Variants in ANKRD26 observed in about 807,000 individuals in gnomAD.
ANKRD26 encodes the protein ankyrin repeat domain 26.
Under a neutral mutation model 208.7 loss-of-function variants are expected in ANKRD26, and 141 were observed. The ratio of observed to expected loss-of-function variants is 0.68; its 90% CI spans 0.59 to 0.78. ANKRD26 has a LOEUF of 0.78. Among genes scored for constraint, ANKRD26 ranks in the 30% least tolerant of loss-of-function variants. The probability of loss-of-function intolerance (pLI) is 0.00; values close to 1 mark genes in which losing one functional copy is unlikely to be tolerated. For missense variants in ANKRD26, 1,889 were observed against 1,938.7 expected (o/e 0.97, Z 0.48); for synonymous variants, 636 against 660.4 (o/e 0.96, Z 0.57).
At chr10:26,996,942 T>C (rs141884796) in intron 4 of ANKRD26, among the ~76,000 whole-genome samples, 1 of 152,334 alleles carries the variant, frequency 6.6e-6, no homozygotes, top group Non-Finnish European at 1.5e-5. Flanking sequence ...TATTTTAACA[T>C]TACTAGTACT....
chr10:27,062,167 T>C (rs2055080646), intron 12 of ANKRD26: 2 of 984,644 alleles, frequency 2.0e-6, no homozygotes, highest in African/African-American at 3.5e-5. Flanking sequence ...TCTATATTCT[T>C]TTTATGGAAC....
At chr10:26,971,687 A>G (rs2052144807), downstream of ANKRD26, among the ~76,000 whole-genome samples, 1 of 151,612 alleles carries the variant, frequency 6.6e-6, no homozygotes, top group Non-Finnish European at 1.5e-5. Context: ...AAAAAAAAAA[A>G]AAAAAAGAAA....
chr10:27,051,062 T>G (rs1441745602), intron 16 of ANKRD26: 5 of 1,241,706 alleles, frequency 4.0e-6, no homozygotes, highest in Admixed American at 5.8e-5. Flanking sequence ...CCTCTACCTC[T>G]TTTTGAAGTT....
intron 5 of ANKRD26, 40 bp from the exon 6 acceptor site, chr10:27,082,873 TA>T (rs2055977542): frequency 6.4e-7 from 1 of 1,556,492 alleles, no homozygotes; most frequent in African/African-American, 1.4e-5. Flanking sequence ...AAATCAACAA[TA>T]GAAAAATATA....
rs372266548 is a variant in ANKRD26, at chr10:27,100,140, G to C, written c.187C>G (p.Gln63Glu). 43 of 1,614,134 alleles carry C rather than the reference G, an allele frequency of 2.7e-5. No individual in the cohort carries two copies. The African/African-American group carries it at 5.6e-4, about 21-fold the overall frequency. Reference protein sequence around the residue: ...AASAGNVAKVQQILLLRKNGL... With the variant: ...AASAGNVAKVEQILLLRKNGL... ...TTCTTCCTGAGCAAAAGGATCTGCT[G>C]CACTTTCGCCACATTACCCGCGCTG... The change falls in exon 1 of 34, where the codon CAG becomes GAG. Residue 63 changes from glutamine to glutamate, a missense_variant. Gln to Glu is a conservative substitution (Grantham distance 29). Coordinates refer to ENST00000376087, the MANE Select transcript of ANKRD26 (RefSeq NM_014915.3).
intron 3 of ANKRD26, among the ~76,000 whole-genome samples, chr10:26,983,053 C>T (rs545787965): frequency 6.6e-6 from 1 of 152,220 alleles, no homozygotes; most frequent in Admixed American, 6.5e-5. Flanking sequence ...AAGGTTCCAC[C>T]TTGGGCTGCA....
intron 28 of ANKRD26, among the ~76,000 whole-genome samples, chr10:27,023,155 C>T (rs772870781): frequency 1.4e-4 from 21 of 151,910 alleles, no homozygotes; most frequent in African/African-American, 5.1e-4. Flanking sequence ...ATGGTGAAAC[C>T]CTGTCTCTAC....
Position 27,029,353 on chromosome 10 carries a change from G to A in ANKRD26, c.3811C>T (p.Gln1271Ter). The change falls in exon 26 of 34, where the codon CAA becomes TAA. Residue 1271 changes from glutamine (Q) to a stop codon, truncating the protein, a stop_gained. Coordinates refer to ENST00000376087, the MANE Select transcript of ANKRD26 (RefSeq NM_014915.3). LOFTEE classifies it high-confidence loss of function. ...KKLGQIRNQLQEAQDRHTEAV... is the reference protein window; with the variant it reads ...KKLGQIRNQL ...TCTGTATGTCGATCCTGTGCTTCTT[G>A]CAACTAAAACAAAGAATAAAAAAAA... 1.2e-6 allele frequency: 2 copies of A among 1,611,138 alleles called. No individual in the cohort carries two copies. The highest frequency in any genetic ancestry group is 1.3e-5 in the African/African-American group (1 of 74,956).
chr10:26,983,956 T>C (rs1442746315), intron 3 of ANKRD26, among the ~76,000 whole-genome samples: 14 of 152,104 alleles, frequency 9.2e-5, no homozygotes. Flanking sequence ...GAAATAGGCA[T>C]GGTTGGCATA....
chr10:26,956,515 G>A, the ANKRD26 span, among the ~76,000 whole-genome samples: 50,280 of 151,764 alleles, frequency 0.33, 10,592 homozygotes, highest in Non-Finnish European at 0.47. Flanking sequence ...TTCTGTAATC[G>A]TAGCACTTTG....
At chr10:27,020,936 C>T (rs537998322) in intron 29 of ANKRD26, among the ~76,000 whole-genome samples, 1 of 152,126 alleles carries the variant, frequency 6.6e-6, no homozygotes, top group Non-Finnish European at 1.5e-5. Flanking sequence ...GCTGGAATTA[C>T]AGGCATGAGC....
rs763720089 is a variant in ANKRD26 at position 27,037,316 on chromosome 10, T to C, written c.2567A>G (p.Gln856Arg). ...TTGCCTCTGAGCGTCATTTCGCTCT[T>C]GAACGACCTAGAGATACATTAAGTT... ...TVKSNLNQVV[Q>R]ERNDAQRQLS... The change falls in exon 23 of 34, where the codon CAA becomes CGA. Residue 856 changes from glutamine to arginine, a missense_variant. Physicochemically the swap from Gln to Arg is conservative, Grantham distance 43 (BLOSUM62 1). Around this residue, in one of 3 missense-constraint regions of ANKRD26, gnomAD observed 1,272 missense variants for 1,273.8 expected, o/e 1.00. Transcript: ENST00000376087. 5.6e-6 allele frequency: 9 copies of C among 1,613,744 alleles called. No individual in the cohort carries two copies. Among genetic ancestry groups the C allele is most frequent in the Admixed American group, 3.3e-5 (2 of 60,008 alleles).
intron 30 of ANKRD26, 40 bp from the exon 31 acceptor site, chr10:27,014,751 C>T: frequency 6.5e-7 from 1 of 1,540,446 alleles, no homozygotes; most frequent in Non-Finnish European, 8.9e-7. Context: ...AAATATATAA[C>T]CTGAGTAAGA....
intron 4 of ANKRD26, among the ~76,000 whole-genome samples, chr10:27,090,261 C>T (rs1319023613): frequency 6.6e-6 from 1 of 151,950 alleles, no homozygotes; most frequent in Non-Finnish European, 1.5e-5. Flanking sequence ...GCCTGGCCAA[C>T]ACAGTGAAAC....
intron 5 of ANKRD26, among the ~76,000 whole-genome samples, chr10:26,976,469 C>T (rs1293818573): frequency 6.6e-6 from 1 of 152,138 alleles, no homozygotes; most frequent in African/African-American, 2.4e-5. Flanking sequence ...CCCGCCTCAG[C>T]CTCCCAAAGT....
At chr10:26,948,652 T>C in the ANKRD26 span, among the ~76,000 whole-genome samples, 1 of 152,134 alleles carries the variant, frequency 6.6e-6, no homozygotes, top group East Asian at 1.9e-4. Context: ...AAGGTGTTTT[T>C]GATAAACCAC....
At chr10:27,043,072 ATAAT>A (rs2054315801) in intron 20 of ANKRD26, among the ~76,000 whole-genome samples, 1 of 151,946 alleles carries the variant, frequency 6.6e-6, no homozygotes, top group Admixed American at 6.6e-5. Context: ...AGCAAAATCC[ATAAT>A]TAAACAGATA....
chr10:27,083,910 T>C (rs1413929955), intron 5 of ANKRD26, among the ~76,000 whole-genome samples: 3 of 152,156 alleles, frequency 2.0e-5, no homozygotes, highest in Non-Finnish European at 4.4e-5. Context: ...TGCATAGCTA[T>C]GACCTAAGTT....
In ANKRD26 at chr10:27,017,612, C is replaced by G. The variant is rs2053341478; in HGVS notation, c.4396G>C (p.Glu1466Gln). ...TGACCAAGTTCTACCATATTCCTTT[C>G]TATATGACTTCTCAGGTTGATCACT... Reference protein sequence around the residue: ...QEVINLRSHIERNMVELGQVK... With the variant: ...QEVINLRSHIQRNMVELGQVK... The change falls in exon 30 of 34, where the codon GAA (glutamate) becomes CAA (glutamine). Residue 1466 changes from glutamate to glutamine, a missense_variant. Physicochemically the swap from Glu to Gln is conservative, Grantham distance 29. This residue lies in a region of ANKRD26 where 613 missense variants were observed against 648.2 expected (regional missense o/e 0.95). Coordinates refer to ENST00000376087, the MANE Select transcript of ANKRD26 (RefSeq NM_014915.3). 2.5e-6 allele frequency: 4 copies of G among 1,613,634 alleles called. No homozygotes were observed. In the East Asian group the frequency reaches 8.9e-5, roughly 36 times the overall value.
Sources: allele counts gnomAD v4.1 joint callset (sites outside exome capture counted in the v4.1 genomes callset), GRCh38; gene constraint gnomAD v4.1.1; regional missense constraint gnomAD v4.1.1; transcripts MANE v1.5; gene names NCBI Gene and HGNC (gene_info 2026-07-23, HGNC 2026-07-21).